The following LSAMP variants were observed in gnomAD, a reference collection of about 807,000 sequenced individuals.
LSAMP encodes the protein limbic system associated membrane protein.
Under a neutral mutation model 38.6 loss-of-function variants are expected in LSAMP, and 7 were observed. That is an observed-to-expected ratio of 0.18 (90% confidence interval 0.10 to 0.34). The LOEUF is 0.34. Ranked by LOEUF, LSAMP falls within the 10% of genes least tolerant of loss-of-function variation. LSAMP has a pLI of 1.00. For synonymous variants in LSAMP, 154 were observed against 166.8 expected (o/e 0.92, Z 0.59); for missense variants, 313 against 420.0 (o/e 0.75, Z 2.23).
chr3:115,920,614 G>A (rs1199920726), intron 3 of LSAMP, among the ~76,000 whole-genome samples: 1 of 152,008 alleles, frequency 6.6e-6, no homozygotes, highest in Non-Finnish European at 1.5e-5. Flanking sequence ...ACATATTATG[G>A]GATTTATCCT....
chr3:116,270,662 G>A (rs917858871), intron 1 of LSAMP, among the ~76,000 whole-genome samples: 4 of 152,070 alleles, frequency 2.6e-5, no homozygotes, highest in African/African-American at 9.7e-5. Context: ...CTGCCCAGGG[G>A]GCCTTAATGT....
intron 1 of LSAMP, among the ~76,000 whole-genome samples, chr3:116,204,086 T>C (rs1160784325): frequency 1.3e-5 from 2 of 151,982 alleles, no homozygotes; most frequent in African/African-American, 2.4e-5. Context: ...TTTTAATGAT[T>C]GCCATTCTAA....
chr3:116,200,505 T>A (rs1225566606), intron 1 of LSAMP, among the ~76,000 whole-genome samples: 1 of 152,164 alleles, frequency 6.6e-6, no homozygotes, highest in African/African-American at 2.4e-5. Context: ...AAAGACAAAG[T>A]CTAGCTTGCC....
chr3:116,310,199 C>A (rs1442372802), intron 1 of LSAMP, among the ~76,000 whole-genome samples: 1 of 152,118 alleles, frequency 6.6e-6, no homozygotes, highest in Non-Finnish European at 1.5e-5. Context: ...TCAGACATAC[C>A]ATCAAGAGCA....
At chr3:116,042,958 T>A (rs1371968941) in intron 2 of LSAMP, among the ~76,000 whole-genome samples, 1 of 152,168 alleles carries the variant, frequency 6.6e-6, no homozygotes, top group Non-Finnish European at 1.5e-5. Flanking sequence ...ATCCCTGATC[T>A]GTTTGGAAAT....
intron 1 of LSAMP, among the ~76,000 whole-genome samples, chr3:116,128,233 A>G (rs1328629406): frequency 6.6e-6 from 1 of 152,246 alleles, no homozygotes; most frequent in East Asian, 1.9e-4. Context: ...TATTGATTGA[A>G]CAACTATGAT....
intron 1 of LSAMP, among the ~76,000 whole-genome samples, chr3:116,337,595 A>G (rs1440726193): frequency 6.6e-6 from 1 of 152,026 alleles, no homozygotes; most frequent in African/African-American, 2.4e-5. Flanking sequence ...TGATTAATTA[A>G]TATCAAAGAA....
At chr3:116,131,451 G>A (rs1709131604) in intron 1 of LSAMP, among the ~76,000 whole-genome samples, 1 of 152,056 alleles carries the variant, frequency 6.6e-6, no homozygotes, top group Non-Finnish European at 1.5e-5. Context: ...AAATGAGATG[G>A]TTTGAGACTT....
intron 1 of LSAMP, among the ~76,000 whole-genome samples, chr3:116,307,570 T>C (rs978272915): frequency 1.3e-5 from 2 of 151,920 alleles, no homozygotes; most frequent in Non-Finnish European, 2.9e-5. Flanking sequence ...CTCCTTTAGA[T>C]TGGGCCTGTT....
At chr3:116,334,490 G>A (rs2047893678) in intron 1 of LSAMP, among the ~76,000 whole-genome samples, 1 of 151,980 alleles carries the variant, frequency 6.6e-6, no homozygotes, top group Non-Finnish European at 1.5e-5. Flanking sequence ...CAAATATCCT[G>A]AATAAAAGTC....
chr3:116,010,139 A>T (rs1206960024), intron 3 of LSAMP, among the ~76,000 whole-genome samples: 2 of 152,026 alleles, frequency 1.3e-5, no homozygotes, highest in East Asian at 3.9e-4. Flanking sequence ...CTGGTCTCGA[A>T]CTCCTGACCT....
chr3:116,378,988 AACACACACAC>A (rs3028640), intron 1 of LSAMP, among the ~76,000 whole-genome samples: 1,442 of 137,112 alleles, frequency 0.011, 25 homozygotes, highest in African/African-American at 0.034. Context: ...AATTGCTCAG[AACACACACAC>A]ACACACACAC....
chr3:116,163,232 C>T (rs568377360), intron 1 of LSAMP, among the ~76,000 whole-genome samples: 1 of 118,004 alleles, frequency 8.5e-6, no homozygotes, highest in Admixed American at 9.0e-5. Context: ...CCCCTCCCCC[C>T]ACCCCACAAC....
In LSAMP at chr3:116,445,087, C is replaced by G. The variant is rs1223046479; in HGVS notation, c.-56G>C. 1 of 1,549,040 alleles carries G rather than the reference C, an allele frequency of 6.5e-7. No individual in the cohort carries two copies. On this transcript the variant is annotated 5_prime_UTR_variant, in exon 1 of 7. Coordinates refer to ENST00000490035, the MANE Select transcript of LSAMP (RefSeq NM_002338.5). ...GTGCTCTGGAGGGGTGCGCGCTGCT[C>G]GCGAGGAGAGGCTTCACCAACACGG...
chr3:116,323,952 C>T (rs1487272492), intron 1 of LSAMP, among the ~76,000 whole-genome samples: 2 of 152,120 alleles, frequency 1.3e-5, no homozygotes, highest in African/African-American at 2.4e-5. Flanking sequence ...TGATTCAATG[C>T]CTTTTGGGTT....
chr3:116,248,907 G>A (rs1224763298), intron 1 of LSAMP, among the ~76,000 whole-genome samples: 4 of 152,078 alleles, frequency 2.6e-5, no homozygotes, highest in Admixed American at 2.6e-4. Flanking sequence ...CAGCACTTTG[G>A]GAGGCTGAGG....
At chr3:116,379,164 T>G (rs1457396501) in intron 1 of LSAMP, among the ~76,000 whole-genome samples, 1 of 152,070 alleles carries the variant, frequency 6.6e-6, no homozygotes, top group African/African-American at 2.4e-5. Flanking sequence ...TTAATTGTAT[T>G]ATTGACTATA....
chr3:116,333,355 A>T (rs770817523), intron 1 of LSAMP, among the ~76,000 whole-genome samples: 2 of 151,970 alleles, frequency 1.3e-5, no homozygotes, highest in Non-Finnish European at 2.9e-5. Context: ...CTGGGCCAAA[A>T]TGGTGAAACC....
At chr3:116,340,707 G>A (rs2047980904) in intron 1 of LSAMP, among the ~76,000 whole-genome samples, 1 of 151,936 alleles carries the variant, frequency 6.6e-6, no homozygotes, top group Non-Finnish European at 1.5e-5. Flanking sequence ...GTATAGATCT[G>A]TCACACAGCC....
Sources: gnomAD v4.1 joint callset for allele counts (sites outside exome capture counted in the v4.1 genomes callset) on GRCh38, gnomAD v4.1.1 for gene constraint, MANE v1.5 for transcripts, NCBI Gene and HGNC (gene_info 2026-07-23, HGNC 2026-07-21) for gene names.